CFAP20DC: variants seen among roughly 807,000 people sequenced by gnomAD.
CFAP20DC encodes the protein CFAP20 domain containing.
Under a neutral mutation model 101.7 loss-of-function variants are expected in CFAP20DC, and 84 were observed. That is an observed-to-expected ratio of 0.83 (90% CI 0.69 to 0.99). The LOEUF is 0.99. Among genes scored for constraint, CFAP20DC ranks in the 50% least tolerant of loss-of-function variants. The pLI is 0.00. For synonymous variants in CFAP20DC, 359 were observed against 351.2 expected, an observed-to-expected ratio of 1.02 and a Z score of -0.25; for missense variants, 1,007 against 970.3, an observed-to-expected ratio of 1.04 and a Z score of -0.50.
chr3:58,900,687 G>C (rs2083071890), intron 6 of CFAP20DC, among the ~76,000 whole-genome samples: 2 of 152,244 alleles, frequency 1.3e-5, no homozygotes, highest in South Asian at 4.1e-4. Flanking sequence ...AGAAGGCTAT[G>C]AGAAAGCTGA....
intron 5 of CFAP20DC, among the ~76,000 whole-genome samples, chr3:58,932,281 C>A (rs988295859): frequency 6.6e-6 from 1 of 152,100 alleles, no homozygotes; most frequent in African/African-American, 2.4e-5. Flanking sequence ...TGTGAAAAGA[C>A]CAAATCTACG....
intron 5 of CFAP20DC, among the ~76,000 whole-genome samples, chr3:58,915,183 G>A (rs1055307707): frequency 6.6e-6 from 1 of 152,082 alleles, no homozygotes; most frequent in Non-Finnish European, 1.5e-5. Context: ...AGAATGGAGA[G>A]CACCAAGGCA....
rs187067108 is a variant in CFAP20DC, at chr3:58,871,600, C to A, written c.716-1291G>T. ...CTGGAGTGCAGTGGCATGTTCTTGGCTCACTGCAACCGCCGCCTCCTGGGT... is the reference window on the plus strand; with the variant it reads ...CTGGAGTGCAGTGGCATGTTCTTGGATCACTGCAACCGCCGCCTCCTGGGT... On this transcript the variant is annotated intron_variant, in intron 7 of 16. Transcript: ENST00000482387. Among the ~76,000 whole-genome samples, 581 of 150,492 alleles carry A rather than the reference C, an allele frequency of 3.9e-3. 12 individuals carry two copies. The highest frequency in any genetic ancestry group is 0.034 in the Admixed American group (516 of 15,090).
At chr3:59,012,855 T>C (rs2093615453) in intron 4 of CFAP20DC, among the ~76,000 whole-genome samples, 1 of 152,194 alleles carries the variant, frequency 6.6e-6, no homozygotes, top group South Asian at 2.1e-4. Flanking sequence ...CTAAAATTAT[T>C]CACCAATACT....
intron 3 of CFAP20DC, among the ~76,000 whole-genome samples, chr3:59,041,626 T>A (rs901651049): frequency 1.3e-5 from 2 of 152,138 alleles, no homozygotes; most frequent in Non-Finnish European, 2.9e-5. Context: ...ATCAAGTACA[T>A]AAAATTCATA....
In CFAP20DC at chr3:58,913,351, A is replaced by T. The variant is rs1196755056; in HGVS notation, c.550+357T>A. The stretch of plus-strand genomic sequence containing the variant: ...TATAGGCTCTCAGCTGACTCTCTAA[A>T]TATCCTTGAGATTCTATGAACTGTC... On this transcript the variant is annotated intron_variant, in intron 6 of 16. Coordinates refer to ENST00000482387, the MANE Select transcript of CFAP20DC (RefSeq NM_001394063.1). The surrounding 1 kb of genome is among the most constrained non-coding windows in gnomAD (Gnocchi z 4.4). Among the ~76,000 whole-genome samples, 1 of 152,042 alleles carries T rather than the reference A, an allele frequency of 6.6e-6. No individual in the cohort carries two copies. Among genetic ancestry groups the T allele is most frequent in the African/African-American group, 2.4e-5 (1 of 41,388 alleles).
intron 4 of CFAP20DC, among the ~76,000 whole-genome samples, chr3:58,967,747 G>A (rs1026041751): frequency 5.3e-5 from 8 of 152,118 alleles, no homozygotes; most frequent in African/African-American, 1.9e-4. Flanking sequence ...TACATGTGAA[G>A]GTTTGTTACA....
chr3:58,930,948 G>A (rs1024653056), intron 5 of CFAP20DC, among the ~76,000 whole-genome samples: 4 of 152,170 alleles, frequency 2.6e-5, no homozygotes, highest in African/African-American at 7.2e-5. Context: ...CACTGTGAGC[G>A]AGCCGAAGCA....
intron 4 of CFAP20DC, among the ~76,000 whole-genome samples, chr3:58,988,156 G>A (rs2092813964): frequency 6.6e-6 from 1 of 152,064 alleles, no homozygotes. Flanking sequence ...GAGAATATCT[G>A]TAATGTCATC....
At chr3:59,046,083 A>T in intron 3 of CFAP20DC, 146 bp downstream of exon 3, 1 of 600,536 alleles carries the variant, frequency 1.7e-6, no homozygotes, top group Non-Finnish European at 2.9e-6. Flanking sequence ...TAGCATAGTT[A>T]GTTGCCCTCT....
chr3:58,847,407 CA>C (rs1231290543), intron 13 of CFAP20DC, among the ~76,000 whole-genome samples: 4 of 151,086 alleles, frequency 2.6e-5, no homozygotes, highest in African/African-American at 9.7e-5. Context: ...CAAAAAAACA[CA>C]TGAAAAAATG....
chr3:58,755,452 T>G (rs908600243), intron 15 of CFAP20DC, among the ~76,000 whole-genome samples: 8 of 152,140 alleles, frequency 5.3e-5, no homozygotes, highest in Admixed American at 1.3e-4. Context: ...ATAAGGGTGA[T>G]GAAGAACAAG....
chr3:58,860,108 C>T (rs186253850), intron 12 of CFAP20DC, among the ~76,000 whole-genome samples: 124 of 139,040 alleles, frequency 8.9e-4, no homozygotes, highest in Middle Eastern at 4.2e-3. Context: ...ACCAGGGAGT[C>T]GGAGGTTGCA....
chr3:58,944,573 A>G (rs1036045729), intron 4 of CFAP20DC, among the ~76,000 whole-genome samples: 3 of 152,148 alleles, frequency 2.0e-5, no homozygotes, highest in Non-Finnish European at 2.9e-5. Context: ...TAGTATAGAC[A>G]TCGTGCTAAG....
intron 4 of CFAP20DC, among the ~76,000 whole-genome samples, chr3:59,004,887 T>C (rs2093399782): frequency 6.6e-6 from 1 of 152,220 alleles, no homozygotes; most frequent in Non-Finnish European, 1.5e-5. Flanking sequence ...CATCTAGTTC[T>C]AGGCCAGAGA....
chr3:58,972,482 T>C (rs2092006876), intron 4 of CFAP20DC, among the ~76,000 whole-genome samples: 1 of 152,122 alleles, frequency 6.6e-6, no homozygotes, highest in East Asian at 1.9e-4. Context: ...GGCTTAATGA[T>C]GGTTTTGGTT....
At chr3:58,810,179 G>A (rs533040836) in intron 14 of CFAP20DC, among the ~76,000 whole-genome samples, 10 of 152,176 alleles carry the variant, frequency 6.6e-5, no homozygotes, top group East Asian at 5.8e-4. Context: ...TAGAAAAAGA[G>A]GGAATCCTCC....
chr3:58,791,150 A>G (rs1179948839), intron 15 of CFAP20DC, among the ~76,000 whole-genome samples: 7 of 152,102 alleles, frequency 4.6e-5, no homozygotes, highest in African/African-American at 7.2e-5. Context: ...CATCTCCCTG[A>G]TCTCATCAAA....
intron 15 of CFAP20DC, among the ~76,000 whole-genome samples, chr3:58,764,943 G>C (rs1199087632): frequency 6.6e-6 from 1 of 152,144 alleles, no homozygotes; most frequent in African/African-American, 2.4e-5. Flanking sequence ...CCATGGATTT[G>C]TATTAAATAC....
Sources: allele counts gnomAD v4.1 joint callset (sites outside exome capture counted in the v4.1 genomes callset), GRCh38; gene constraint gnomAD v4.1.1; non-coding constraint Gnocchi (gnomAD v3.1); transcripts MANE v1.5; gene names NCBI Gene and HGNC (gene_info 2026-07-23, HGNC 2026-07-21).